RIN2: variants seen among roughly 807,000 people sequenced by gnomAD.
RIN2 encodes RAB5 interacting protein 2.
In RIN2, 36 loss-of-function variants were observed where a neutral mutation model predicts 78.0. The ratio of observed to expected loss-of-function variants is 0.46; its 90% CI spans 0.35 to 0.61. The LOEUF is 0.61. RIN2 is among the 20% of genes least tolerant of loss of function. RIN2 has a pLI of 0.00. For missense variants in RIN2, 1,087 were observed against 1,159.7 expected (o/e 0.94, Z 0.91); for synonymous variants, 466 against 466.8 (o/e 1.00, Z 0.02).
intron 3 of RIN2, among the ~76,000 whole-genome samples, chr20:19,921,680 T>TC (rs1289893266): frequency 2.6e-5 from 4 of 151,922 alleles, no homozygotes; most frequent in African/African-American, 9.7e-5. Context: ...TAGGTCGGGT[T>TC]CCCCAGAAAC....
intron 4 of RIN2, 92 bp downstream of exon 4, chr20:19,935,291 A>G: frequency 7.6e-7 from 1 of 1,313,172 alleles, no homozygotes; most frequent in Non-Finnish European, 1.0e-6. Flanking sequence ...ACTCCTCAGA[A>G]GTCTGGGAGC....
chr20:19,804,829 T>A (rs1053982457), intron 2 of RIN2, among the ~76,000 whole-genome samples: 2 of 152,030 alleles, frequency 1.3e-5, no homozygotes, highest in Non-Finnish European at 2.9e-5. Flanking sequence ...ATGTGGGTTT[T>A]TTTTGTTTTG....
rs1261130402 is a variant in RIN2 at position 19,830,205 on chromosome 20, C to T, written c.-37+30458C>T. Among the ~76,000 whole-genome samples, 5 of 152,102 alleles carry T rather than the reference C, an allele frequency of 3.3e-5. No individual in the cohort carries two copies. In the East Asian group the frequency reaches 9.6e-4, roughly 29 times the overall value. On this transcript the variant is annotated intron_variant, in intron 2 of 12. Coordinates refer to ENST00000255006, the MANE Select transcript of RIN2 (RefSeq NM_018993.4). ...GAAACCATTTGTTTTTTAGCCAAGG[C>T]CAATCCTGATGACTGTGTGAGGTCA...
chr20:19,909,116 G>A (rs113747125), intron 3 of RIN2, among the ~76,000 whole-genome samples: 3 of 152,216 alleles, frequency 2.0e-5, no homozygotes, highest in African/African-American at 7.2e-5. Context: ...CACCCACCTG[G>A]GCCTCCCAAA....
intron 2 of RIN2, among the ~76,000 whole-genome samples, chr20:19,847,637 T>C (rs1450526092): frequency 6.6e-6 from 1 of 152,144 alleles, no homozygotes; most frequent in Non-Finnish European, 1.5e-5. Flanking sequence ...CAGTGTAAAA[T>C]ACATACCAGA....
rs552688431 is a variant in RIN2, at chr20:19,855,887, A to G, written c.-36-33679A>G. 1.4e-4 allele frequency among the ~76,000 whole-genome samples: 22 copies of G among 152,296 alleles called. No individual in the cohort carries two copies. The East Asian group carries it at 4.2e-3, about 29-fold the overall frequency. ...TCAGGAGTTCGAGACCAGCCTGGCC[A>G]ACATGGTGAAACCCTATCTCTACTA... On this transcript the variant is annotated intron_variant, in intron 2 of 12. Coordinates refer to ENST00000255006, the MANE Select transcript of RIN2 (RefSeq NM_018993.4).
At chr20:19,953,707 G>A (rs2041419111) in intron 4 of RIN2, among the ~76,000 whole-genome samples, 1 of 152,210 alleles carries the variant, frequency 6.6e-6, no homozygotes, top group Non-Finnish European at 1.5e-5. Context: ...TGGGATTACA[G>A]GCTTTAGCCA....
intron 2 of RIN2, among the ~76,000 whole-genome samples, chr20:19,883,869 C>G (rs1025242498): frequency 7.2e-6 from 1 of 139,230 alleles, no homozygotes; most frequent in Non-Finnish European, 1.5e-5. Context: ...TTTTAACCAC[C>G]GCACCTCACA....
At chr20:19,888,449 C>T (rs6046415) in intron 2 of RIN2, among the ~76,000 whole-genome samples, 74,569 of 152,068 alleles carry the variant, frequency 0.49, 18,295 homozygotes, top group Non-Finnish European at 0.5. Flanking sequence ...GTCGCTGGCT[C>T]TCTGCCACTC....
chr20:19,946,515 C>T (rs117776805), intron 4 of RIN2, among the ~76,000 whole-genome samples: 1,992 of 152,090 alleles, frequency 0.013, 28 homozygotes, highest in Middle Eastern at 0.027. Context: ...ACCAGGAGTT[C>T]GAGACCAGCA....
At chr20:19,917,638 A>G (rs1341220177) in intron 3 of RIN2, among the ~76,000 whole-genome samples, 2 of 152,224 alleles carry the variant, frequency 1.3e-5, no homozygotes, top group African/African-American at 2.4e-5. Flanking sequence ...AGCCACAACT[A>G]TTACTTAAGT....
chr20:19,856,534 GAAA>G (rs566432595), intron 2 of RIN2, among the ~76,000 whole-genome samples: 1 of 85,522 alleles, frequency 1.2e-5, no homozygotes, highest in East Asian at 3.8e-4. Context: ...CTTTGTCTCA[GAAA>G]AAAAAAAAAG....
At chr20:19,972,090 C>T (rs1369924557) in intron 8 of RIN2, among the ~76,000 whole-genome samples, 2 of 152,088 alleles carry the variant, frequency 1.3e-5, no homozygotes, top group Admixed American at 1.3e-4. Context: ...GTGTTTGAGG[C>T]CTGTCTGATG....
chr20:19,802,339 A>G (rs1321128614), intron 2 of RIN2, among the ~76,000 whole-genome samples: 1 of 152,026 alleles, frequency 6.6e-6, no homozygotes, highest in Non-Finnish European at 1.5e-5. Flanking sequence ...AGCTGCCCCT[A>G]CCAGGTATGG....
At chr20:19,903,508 G>GAC (rs2039080146) in intron 3 of RIN2, among the ~76,000 whole-genome samples, 1 of 152,138 alleles carries the variant, frequency 6.6e-6, no homozygotes, top group South Asian at 2.1e-4. Flanking sequence ...GGGTCTCAAA[G>GAC]ACACAGGTCA....
chr20:19,931,522 T>C (rs2040437992), intron 3 of RIN2, among the ~76,000 whole-genome samples: 1 of 152,176 alleles, frequency 6.6e-6, no homozygotes, highest in Non-Finnish European at 1.5e-5. Context: ...ATGGATACAT[T>C]TTATTTGTTA....
chr20:19,839,987 G>A (rs1036938273), intron 2 of RIN2, among the ~76,000 whole-genome samples: 1 of 152,196 alleles, frequency 6.6e-6, no homozygotes, highest in South Asian at 2.1e-4. Context: ...GTTAATACAT[G>A]TATTTGAGGA....
At chr20:19,837,592 A>G (rs537022660) in intron 2 of RIN2, among the ~76,000 whole-genome samples, 2 of 152,212 alleles carry the variant, frequency 1.3e-5, no homozygotes, top group Non-Finnish European at 2.9e-5. Context: ...TAAATTCATT[A>G]TAAGTTAAGT....
intron 2 of RIN2, among the ~76,000 whole-genome samples, chr20:19,814,833 C>T (rs932788233): frequency 6.6e-6 from 1 of 151,940 alleles, no homozygotes; most frequent in Non-Finnish European, 1.5e-5. Context: ...TCAAGTGATC[C>T]GCCCACCTCA....
Sources: allele counts gnomAD v4.1 joint callset (sites outside exome capture counted in the v4.1 genomes callset), GRCh38; gene constraint gnomAD v4.1.1; transcripts MANE v1.5; gene names NCBI Gene and HGNC (gene_info 2026-07-23, HGNC 2026-07-21).